The following ABCC3 variants were observed in gnomAD, a reference collection of about 807,000 sequenced individuals.
ABCC3 encodes the protein ATP-binding cassette sub-family C member 3.
ABCC3 carries 121 observed loss-of-function variants against 165.3 expected under a neutral mutation model. That is an observed-to-expected ratio of 0.73 (90% CI 0.63 to 0.85). The LOEUF (loss-of-function observed/expected upper bound fraction) is 0.85, where lower values mean the gene tolerates loss of function less well. Ranked by LOEUF, ABCC3 falls within the 40% of genes least tolerant of loss-of-function variation. The pLI, the probability that ABCC3 is intolerant of heterozygous loss-of-function variation, is 0.00. For missense variants in ABCC3, 1,869 were observed against 1,964.1 expected (o/e 0.95, Z 0.92); for synonymous variants, 733 against 810.1 (o/e 0.90, Z 1.62).
intron 1 of ABCC3, among the ~76,000 whole-genome samples, chr17:50,650,423 A>G (rs892248800): frequency 2.0e-5 from 3 of 152,214 alleles, no homozygotes; most frequent in Non-Finnish European, 4.4e-5. Context: ...TTTTATTCTT[A>G]AAAAACTTGT....
At chr17:50,656,625 A>C (rs1307341745) in intron 2 of ABCC3, 77 bp from the exon 3 acceptor site, 1 of 1,527,712 alleles carries the variant, frequency 6.5e-7, no homozygotes, top group African/African-American at 1.4e-5. Flanking sequence ...TGGTGGCTTC[A>C]GGTACAAAGA....
At chr17:50,658,709 C>T (rs530327237) in intron 6 of ABCC3, among the ~76,000 whole-genome samples, 4 of 152,370 alleles carry the variant, frequency 2.6e-5, no homozygotes, top group African/African-American at 7.2e-5. Flanking sequence ...CCCCAGGCTA[C>T]AGGCCAGCCC....
intron 7 of ABCC3, among the ~76,000 whole-genome samples, chr17:50,660,509 A>G (rs1021863630): frequency 2.6e-5 from 4 of 152,030 alleles, no homozygotes; most frequent in African/African-American, 9.7e-5. Flanking sequence ...ACGAAGACCT[A>G]TGGGCCCCCA....
In ABCC3 at chr17:50,675,462, G is replaced by C; in HGVS notation, c.2700G>C (p.Gln900His). 1 of 1,613,590 alleles carries C rather than the reference G, an allele frequency of 6.2e-7. No homozygotes were observed. The highest frequency in any genetic ancestry group is 8.5e-7 in the Non-Finnish European group (1 of 1,179,750). Residue 900 changes from glutamine (Q) to histidine (H), a missense_variant, in exon 20 of 31, where the codon CAG becomes CAC. Coordinates refer to ENST00000285238, the MANE Select transcript of ABCC3 (RefSeq NM_003786.4). The stretch of plus-strand genomic sequence containing the variant: ...ATGATCCAGTCACCTATGTGGTCCA[G>C]AAGCAGTTTATGAGGTGAGTTCCTG... ...TDNDPVTYVV[Q>H]KQFMRQLSAL...
chr17:50,635,340 C>CG, intron 1 of ABCC3: 1 of 633,078 alleles, frequency 1.6e-6, no homozygotes, highest in Admixed American at 2.3e-5. Flanking sequence ...TCGCAATCAG[C>CG]CGCGGGTTCC....
At chr17:50,668,735 C>A in intron 14 of ABCC3, 118 bp from the exon 15 acceptor site, 3 of 878,792 alleles carry the variant, frequency 3.4e-6, no homozygotes, top group Middle Eastern at 4.4e-4. Context: ...TCCCAAGGAT[C>A]CCCTCCCCAT....
chr17:50,686,982 T>C (rs749085248), intron 29 of ABCC3, among the ~76,000 whole-genome samples: 10 of 152,174 alleles, frequency 6.6e-5, no homozygotes, highest in African/African-American at 9.7e-5. Context: ...GCGTGTGTCC[T>C]GCTCCTCCTT....
intron 29 of ABCC3, chr17:50,687,288 A>C (rs1456308420): frequency 4.2e-6 from 2 of 473,856 alleles, no homozygotes; most frequent in South Asian, 4.2e-5. Flanking sequence ...AGAGGAGGCC[A>C]AGGGTGCCAA....
chr17:50,653,344 C>CAAAAAAAAAAA (rs1298179994), intron 1 of ABCC3, among the ~76,000 whole-genome samples: 1 of 47,694 alleles, frequency 2.1e-5, no homozygotes, highest in Non-Finnish European at 4.7e-5. Context: ...GAGACTGTCT[C>CAAAAAAAAAAA]AAAAAAAAAA....
chr17:50,672,428 G>A (rs1967669356), intron 17 of ABCC3, among the ~76,000 whole-genome samples: 1 of 152,194 alleles, frequency 6.6e-6, no homozygotes, highest in Admixed American at 6.5e-5. Flanking sequence ...GATGGGTTGG[G>A]CAGGACACCA....
chr17:50,676,154 C>T (rs1387122322), intron 22 of ABCC3, 64 bp downstream of exon 22: 7 of 1,601,032 alleles, frequency 4.4e-6, no homozygotes, highest in Non-Finnish European at 6.0e-6. Context: ...TGCCAGGCCC[C>T]CCAAACCGTG....
At chr17:50,677,693 T>G (rs1967848170) in intron 23 of ABCC3, 51 bp from the exon 24 acceptor site, 1 of 1,556,374 alleles carries the variant, frequency 6.4e-7, no homozygotes, top group Non-Finnish European at 8.8e-7. Flanking sequence ...CAGGCAGGAC[T>G]GAGTTGGGGG....
chr17:50,636,669 A>G (rs2054183465), intron 1 of ABCC3, among the ~76,000 whole-genome samples: 1 of 152,246 alleles, frequency 6.6e-6, no homozygotes, highest in Non-Finnish European at 1.5e-5. Context: ...CCCAAGCTTC[A>G]GGCACAAGGG....
chr17:50,661,540 T>C (rs941531751), intron 8 of ABCC3, among the ~76,000 whole-genome samples: 1 of 152,202 alleles, frequency 6.6e-6, no homozygotes, highest in Non-Finnish European at 1.5e-5. Flanking sequence ...CATCAGGCTC[T>C]AACATCTGTC....
intron 1 of ABCC3, among the ~76,000 whole-genome samples, chr17:50,640,570 G>A (rs2054219122): frequency 6.6e-6 from 1 of 152,236 alleles, no homozygotes; most frequent in South Asian, 2.1e-4. Context: ...CCTGGCTGGA[G>A]TGCAGTGGCG....
At chr17:50,640,276 G>A (rs992521530) in intron 1 of ABCC3, among the ~76,000 whole-genome samples, 1 of 152,216 alleles carries the variant, frequency 6.6e-6, no homozygotes, top group African/African-American at 2.4e-5. Flanking sequence ...GTCCTACCAG[G>A]TGTACAGGAA....
chr17:50,667,838 C>T, intron 12 of ABCC3, 25 bp from the exon 13 acceptor site: 1 of 1,613,680 alleles, frequency 6.2e-7, no homozygotes, highest in Non-Finnish European at 8.5e-7. Flanking sequence ...GGACTCTACC[C>T]TGACACCACC....
intron 29 of ABCC3, chr17:50,687,275 G>T (rs558654698): frequency 4.4e-6 from 2 of 458,770 alleles, no homozygotes; most frequent in East Asian, 3.4e-5. Flanking sequence ...AGAAAGCACC[G>T]AGAGAGGAGG....
At chr17:50,662,091 C>T (rs1417467781) in intron 8 of ABCC3, 2 of 152,328 alleles carry the variant, frequency 1.3e-5, no homozygotes, top group East Asian at 3.9e-4. Flanking sequence ...TCAAGGATCT[C>T]CTGCCAGGAG....
Sources: gnomAD v4.1 joint callset for allele counts (sites outside exome capture counted in the v4.1 genomes callset) on GRCh38, gnomAD v4.1.1 for gene constraint, MANE v1.5 for transcripts, NCBI Gene and HGNC (gene_info 2026-07-23, HGNC 2026-07-21) for gene names.